The following SPTBN1 variants were observed in gnomAD, a reference collection of about 807,000 sequenced individuals.
SPTBN1 encodes the protein spectrin beta, non-erythrocytic 1, also known as spectrin beta chain, non-erythrocytic 1.
Under a neutral mutation model 266.4 loss-of-function variants are expected in SPTBN1, and 32 were observed. The ratio of observed to expected loss-of-function variants is 0.12; its 90% CI spans 0.09 to 0.16. The LOEUF (loss-of-function observed/expected upper bound fraction) is 0.16. SPTBN1 is among the 10% of genes least tolerant of loss of function. SPTBN1 has a pLI of 1.00. For missense variants in SPTBN1, 2,296 were observed against 3,067.1 expected, an observed-to-expected ratio of 0.75 and a Z score of 5.94; for synonymous variants, 1,336 against 1,162.2, an observed-to-expected ratio of 1.15 and a Z score of -3.04.
chr2:54,614,885 G>T (rs1300149980), intron 4 of SPTBN1, among the ~76,000 whole-genome samples: 1 of 152,190 alleles, frequency 6.6e-6, no homozygotes, highest in South Asian at 2.1e-4. Flanking sequence ...CTTCATTTCA[G>T]AAGGGTAGGC....
At chr2:54,509,260 T>A (rs1669730536) in intron 1 of SPTBN1, among the ~76,000 whole-genome samples, 1 of 151,868 alleles carries the variant, frequency 6.6e-6, no homozygotes, top group Non-Finnish European at 1.5e-5. Context: ...GTCATGGGAG[T>A]CAGATGTATC....
At chr2:54,615,825 G>A (rs767556664) in intron 4 of SPTBN1, among the ~76,000 whole-genome samples, 7 of 152,358 alleles carry the variant, frequency 4.6e-5, no homozygotes, top group South Asian at 4.1e-4. Flanking sequence ...AAGGTTGCAC[G>A]TGGTGTGAAA....
At chr2:54,481,151 T>C (rs901379651) in intron 1 of SPTBN1, among the ~76,000 whole-genome samples, 4 of 151,642 alleles carry the variant, frequency 2.6e-5, no homozygotes, top group African/African-American at 9.7e-5. Context: ...TAAGTAATAA[T>C]GATGATGATG....
chr2:54,498,669 A>G (rs1326270565), intron 1 of SPTBN1, among the ~76,000 whole-genome samples: 1 of 152,244 alleles, frequency 6.6e-6, no homozygotes, highest in African/African-American at 2.4e-5. Flanking sequence ...AATTGAACCT[A>G]GATCCATACT....
Position 54,629,203 on chromosome 2 carries a change from G to C in SPTBN1, c.2069G>C (p.Arg690Pro). ...HRAFEDEMSG[R>P]SGHFEQAIKE... ...GCGTTCGAGGACGAGATGAGCGGCCGCAGTGGCCACTTTGAGCAGGCCATC... is the reference window on the plus strand; with the variant it reads ...GCGTTCGAGGACGAGATGAGCGGCCCCAGTGGCCACTTTGAGCAGGCCATC... The change falls in exon 14 of 36, where the codon CGC becomes CCC. Residue 690 changes from arginine (R) to proline (P), a missense_variant. By Grantham distance (103) the Arg-to-Pro change is moderately radical. Coordinates refer to ENST00000356805, the MANE Select transcript of SPTBN1 (RefSeq NM_003128.3). 1 of 1,613,656 alleles carries C rather than the reference G, an allele frequency of 6.2e-7. No individual in the cohort carries two copies. The highest frequency in any genetic ancestry group is 8.5e-7 in the Non-Finnish European group (1 of 1,179,966).
chr2:54,507,380 A>T (rs928206661), intron 1 of SPTBN1, among the ~76,000 whole-genome samples: 1 of 152,022 alleles, frequency 6.6e-6, no homozygotes, highest in South Asian at 2.1e-4. Context: ...GTATGGAGAG[A>T]TAATGGGCAA....
chr2:54,637,406 T>A (rs1403599105), intron 17 of SPTBN1, among the ~76,000 whole-genome samples: 5 of 152,230 alleles, frequency 3.3e-5, no homozygotes, highest in Non-Finnish European at 7.3e-5. Flanking sequence ...TAAGGACTTG[T>A]ACAAAGCGTG....
chr2:54,638,676 C>T (rs1262089339), intron 18 of SPTBN1, among the ~76,000 whole-genome samples: 5 of 152,088 alleles, frequency 3.3e-5, no homozygotes, highest in Non-Finnish European at 7.3e-5. Flanking sequence ...CTCTGTCTGC[C>T]GGAGAATAAC....
chr2:54,463,546 C>G (rs969763221), intron 1 of SPTBN1, among the ~76,000 whole-genome samples: 19 of 152,316 alleles, frequency 1.2e-4, no homozygotes, highest in Non-Finnish European at 2.1e-4. Context: ...GGCAAACTGC[C>G]TAGACTTCTT....
At chr2:54,582,557 C>T (rs1054055362) in intron 2 of SPTBN1, among the ~76,000 whole-genome samples, 1 of 148,168 alleles carries the variant, frequency 6.7e-6, no homozygotes, top group Non-Finnish European at 1.5e-5. Context: ...GAGCAAGACT[C>T]CGTCTCAAAA....
At chr2:54,657,568 A>G (rs561619781) in intron 29 of SPTBN1, among the ~76,000 whole-genome samples, 2 of 152,376 alleles carry the variant, frequency 1.3e-5, no homozygotes, top group Admixed American at 6.5e-5. Flanking sequence ...TTTTTTTCAT[A>G]TTGATTACAT....
chr2:54,507,233 CT>C (rs1282739322), intron 1 of SPTBN1, among the ~76,000 whole-genome samples: 2 of 152,138 alleles, frequency 1.3e-5, no homozygotes, highest in Non-Finnish European at 2.9e-5. Context: ...TTCAGGCCAT[CT>C]GGATGTATAC....
intron 1 of SPTBN1, among the ~76,000 whole-genome samples, chr2:54,468,797 C>T (rs900003059): frequency 2.0e-5 from 3 of 152,234 alleles, no homozygotes; most frequent in African/African-American, 7.2e-5. Flanking sequence ...ATCACAGTTG[C>T]ATTAATTCCC....
In SPTBN1 at chr2:54,601,145, G is replaced by T. The variant is rs560371663; in HGVS notation, c.300+1902G>T. ...GTAAGGATGAAGAAGATGGTACAGT[G>T]GCTACCATCTCCAACCTCTTAGGCA... is the stretch of plus-strand genomic sequence containing the variant. On this transcript the variant is annotated intron_variant, in intron 3 of 35. Coordinates refer to ENST00000356805, the MANE Select transcript of SPTBN1 (RefSeq NM_003128.3). 7.9e-5 allele frequency among the ~76,000 whole-genome samples: 12 copies of T among 152,168 alleles called. No homozygotes were observed. The South Asian group carries it at 2.5e-3, about 32-fold the overall frequency.
intron 3 of SPTBN1, among the ~76,000 whole-genome samples, chr2:54,601,023 A>G (rs577541295): frequency 1.3e-5 from 2 of 152,308 alleles, no homozygotes; most frequent in East Asian, 3.9e-4. Flanking sequence ...GAGAAAAACC[A>G]GTAAAGCATA....
chr2:54,614,918 T>A (rs180897568), intron 4 of SPTBN1, among the ~76,000 whole-genome samples: 8 of 152,302 alleles, frequency 5.3e-5, no homozygotes, highest in African/African-American at 1.7e-4. Flanking sequence ...TGGGCAAATC[T>A]GGAAACAGAT....
At chr2:54,562,791 C>A (rs1025448946) in intron 2 of SPTBN1, among the ~76,000 whole-genome samples, 2 of 151,460 alleles carry the variant, frequency 1.3e-5, no homozygotes, top group African/African-American at 2.4e-5. Flanking sequence ...CTCATGAGCT[C>A]AAGTGATTGG....
rs79877851 is a variant in SPTBN1, at chr2:54,490,866, T to C, written c.-48+34348T>C. Among the ~76,000 whole-genome samples, 945 of 152,168 alleles carry C rather than the reference T, an allele frequency of 6.2e-3. 15 individuals are homozygous for C. The highest frequency in any genetic ancestry group is 0.022 in the African/African-American group (896 of 41,478). On this transcript the variant is annotated intron_variant, in intron 1 of 35. Transcript: ENST00000356805. ...CCAGGGAGAGAGAAAACAGTGTGTT[T>C]TGAGGACCTCTTCTGCTGTGGCTGG... is the stretch of plus-strand genomic sequence containing the variant.
At chr2:54,617,371 A>T (rs774790239) in intron 5 of SPTBN1, among the ~76,000 whole-genome samples, 1 of 152,234 alleles carries the variant, frequency 6.6e-6, no homozygotes, top group Admixed American at 6.5e-5. Context: ...CACAGTTCAC[A>T]TCTTTTGTGA....
Sources: gnomAD v4.1 joint callset for allele counts (sites outside exome capture counted in the v4.1 genomes callset) on GRCh38, gnomAD v4.1.1 for gene constraint, MANE v1.5 for transcripts, NCBI Gene and HGNC (gene_info 2026-07-23, HGNC 2026-07-21) for gene names.